TMEM272: variants seen among roughly 807,000 people sequenced by gnomAD.
The protein encoded by TMEM272 is long intergenic non-protein coding RNA 282.
Under a neutral mutation model 3.7 loss-of-function variants are expected in TMEM272, and 8 were observed. The ratio of observed to expected loss-of-function variants is 2.17; its 90% CI spans 1.27 to 3.91. The LOEUF (loss-of-function observed/expected upper bound fraction) is 3.91. Among genes scored for constraint, TMEM272 ranks in the 30% most tolerant of loss-of-function variants. The pLI is 0.00. For missense variants in TMEM272, 166 were observed against 91.5 expected, an observed-to-expected ratio of 1.81 and a Z score of -3.32; for synonymous variants, 63 against 39.8, an observed-to-expected ratio of 1.58 and a Z score of -2.20.
chr13:51,823,809 T>C (rs534861361), intron 3 of TMEM272, among the ~76,000 whole-genome samples: 6 of 152,242 alleles, frequency 3.9e-5, no homozygotes, highest in Admixed American at 6.5e-5. Flanking sequence ...CCATATTCCA[T>C]TGAAATGAAC....
the TMEM272 span, among the ~76,000 whole-genome samples, chr13:51,857,789 T>C: frequency 6.6e-6 from 1 of 152,072 alleles, no homozygotes; most frequent in African/African-American, 2.4e-5. Flanking sequence ...ATATTAAGTG[T>C]AAATATTTTT....
At chr13:51,929,825 C>T in the TMEM272 span, among the ~76,000 whole-genome samples, 2 of 152,222 alleles carry the variant, frequency 1.3e-5, no homozygotes, top group Admixed American at 1.3e-4. Flanking sequence ...GTGAGGAGGG[C>T]CAGACAGGCA....
chr13:51,933,912 C>T, the TMEM272 span: 4 of 152,508 alleles, frequency 2.6e-5, no homozygotes, highest in East Asian at 3.9e-4. Context: ...CACAGGAAGC[C>T]GAGTACGGAC....
the TMEM272 span, among the ~76,000 whole-genome samples, chr13:51,882,577 G>A: frequency 2.0e-5 from 3 of 152,106 alleles, no homozygotes; most frequent in African/African-American, 7.2e-5. Flanking sequence ...AGGGACACAA[G>A]GGTGGCATGG....
intron 2 of TMEM272, among the ~76,000 whole-genome samples, chr13:51,830,951 GAGGTCGAATGAGGCTCACTCTTGCTTA>G (rs1566345129): frequency 4.2e-4 from 64 of 151,360 alleles, no homozygotes; most frequent in Admixed American, 3.7e-3. Flanking sequence ...ACTCTTGCTC[GAGGTCGAATGAGGCTCACTCTTGCTTA>G]AAGTCTAATG....
At chr13:51,821,167 T>C (rs551277318) in intron 4 of TMEM272, among the ~76,000 whole-genome samples, 37 of 152,348 alleles carry the variant, frequency 2.4e-4, no homozygotes, top group Middle Eastern at 3.4e-3. Context: ...GAGTTCATAC[T>C]TGGCACTCTT....
At chr13:51,932,083 C>T in the TMEM272 span, among the ~76,000 whole-genome samples, 7 of 152,084 alleles carry the variant, frequency 4.6e-5, no homozygotes, top group African/African-American at 1.7e-4. Context: ...CGGTTTAGGC[C>T]AGTTGTCCTG....
At chr13:51,924,133 G>C in the TMEM272 span, among the ~76,000 whole-genome samples, 1 of 152,126 alleles carries the variant, frequency 6.6e-6, no homozygotes, top group Non-Finnish European at 1.5e-5. Context: ...CTTCTCCCCA[G>C]AGCCTTGCCC....
the TMEM272 span, among the ~76,000 whole-genome samples, chr13:51,926,507 A>G: frequency 6.6e-6 from 1 of 151,216 alleles, no homozygotes; most frequent in Non-Finnish European, 1.5e-5. Flanking sequence ...TGGATGACAC[A>G]GGGGAAAGCC....
chr13:51,836,220 C>A (rs528687885), intron 2 of TMEM272, among the ~76,000 whole-genome samples: 6 of 152,160 alleles, frequency 3.9e-5, no homozygotes, highest in Non-Finnish European at 8.8e-5. Flanking sequence ...TTCTCTCCCC[C>A]ACGTGCTGCC....
At chr13:51,838,989 C>T (rs903719054) in intron 1 of TMEM272, among the ~76,000 whole-genome samples, 1 of 152,144 alleles carries the variant, frequency 6.6e-6, no homozygotes, top group African/African-American at 2.4e-5. Context: ...AAGATTCACC[C>T]TAAGGCCAGA....
At chr13:51,879,412 A>G in the TMEM272 span, among the ~76,000 whole-genome samples, 10 of 152,182 alleles carry the variant, frequency 6.6e-5, no homozygotes, top group African/African-American at 9.7e-5. Flanking sequence ...GGATTGGATG[A>G]GCTGTCTACT....
At chr13:51,865,268 A>AT in the TMEM272 span, 1 of 835,856 alleles carries the variant, frequency 1.2e-6, no homozygotes, top group South Asian at 1.9e-5. Flanking sequence ...TCAGTAGTAC[A>AT]GAACCAAGGG....
the TMEM272 span, among the ~76,000 whole-genome samples, chr13:51,923,476 T>C: frequency 6.9e-6 from 1 of 145,186 alleles, no homozygotes; most frequent in Non-Finnish European, 1.5e-5. Flanking sequence ...CTGAGATCGG[T>C]TGAAAGCCCA....
At chr13:51,854,764 AC>A in the TMEM272 span, among the ~76,000 whole-genome samples, 12 of 152,226 alleles carry the variant, frequency 7.9e-5, no homozygotes, top group Non-Finnish European at 1.8e-4. Flanking sequence ...AGTACTTAGG[AC>A]AGTGACCGAG....
At chr13:51,828,221 T>C (rs142565689) in intron 2 of TMEM272, among the ~76,000 whole-genome samples, 10 of 152,348 alleles carry the variant, frequency 6.6e-5, no homozygotes, top group East Asian at 3.9e-4. Context: ...GCTTTCTGTA[T>C]TTATACAGAG....
the TMEM272 span, chr13:51,908,973 C>G: frequency 4.2e-6 from 6 of 1,417,002 alleles, no homozygotes; most frequent in East Asian, 4.6e-5. Context: ...TCCTCCTCCC[C>G]CTGGAAGCAA....
At chr13:51,875,392 C>A in the TMEM272 span, among the ~76,000 whole-genome samples, 1 of 152,100 alleles carries the variant, frequency 6.6e-6, no homozygotes, top group Non-Finnish European at 1.5e-5. Context: ...CTTAAAGCAG[C>A]TAAAGTAGGA....
At chr13:51,918,144 T>C in the TMEM272 span, among the ~76,000 whole-genome samples, 1 of 152,198 alleles carries the variant, frequency 6.6e-6, no homozygotes, top group Non-Finnish European at 1.5e-5. Context: ...CTCAAAATAA[T>C]GATTGGCATT....
Sources: allele counts gnomAD v4.1 joint callset (sites outside exome capture counted in the v4.1 genomes callset), GRCh38; gene constraint gnomAD v4.1.1; transcripts MANE v1.5; gene names NCBI Gene and HGNC (gene_info 2026-07-23, HGNC 2026-07-21).